The following DACH2 variants were observed in gnomAD, a reference collection of about 807,000 sequenced individuals.
DACH2 encodes dachshund family transcription factor 2.
Under a neutral mutation model 35.8 loss-of-function variants are expected in DACH2, and 17 were observed. That is an observed-to-expected ratio of 0.48 (90% CI 0.33 to 0.71). The LOEUF (loss-of-function observed/expected upper bound fraction) is 0.71. Ranked by LOEUF, DACH2 falls within the 30% of genes least tolerant of loss-of-function variation. The probability of loss-of-function intolerance (pLI) is 0.02; values close to 1 mark genes in which losing one functional copy is unlikely to be tolerated. For missense variants in DACH2, 469 were observed against 472.7 expected (o/e 0.99, Z 0.07); for synonymous variants, 195 against 177.3 (o/e 1.10, Z -0.79).
chrX:86,242,237 C>T (rs1046587747), intron 1 of DACH2, among the ~76,000 whole-genome samples: 2 of 112,255 alleles, frequency 1.8e-5, no homozygotes, highest in African/African-American at 6.5e-5. Flanking sequence ...GGTGCTGTAC[C>T]CTGCAAAGCT....
chrX:86,469,982 G>C (rs1322748261), intron 2 of DACH2, among the ~76,000 whole-genome samples: 10 of 109,802 alleles, frequency 9.1e-5, no homozygotes, highest in Non-Finnish European at 1.7e-4. Flanking sequence ...TTAGCAATCT[G>C]TTTCTTACCT....
intron 2 of DACH2, among the ~76,000 whole-genome samples, chrX:86,460,526 C>A (rs1460020293): frequency 4.5e-5 from 5 of 110,365 alleles, no homozygotes; most frequent in Non-Finnish European, 7.6e-5. Context: ...CAATTATATG[C>A]AAGATCCTTT....
intron 3 of DACH2, among the ~76,000 whole-genome samples, chrX:86,632,494 GCACACACACACA>G (rs3041616): frequency 7.3e-5 from 7 of 95,954 alleles, no homozygotes; most frequent in Non-Finnish European, 1.5e-4. Context: ...TCATACACAT[GCACACACACACA>G]CACACACACA....
chrX:86,355,086 C>G (rs752510407), intron 1 of DACH2, among the ~76,000 whole-genome samples: 11 of 111,319 alleles, frequency 9.9e-5, no homozygotes, highest in Middle Eastern at 4.7e-3. Context: ...GCCTCAGTAT[C>G]TATTGTTCCC....
In DACH2 at chrX:86,708,291, A is replaced by T. The variant is rs1208707784; in HGVS notation, c.932-6257A>T. On this transcript the variant is annotated intron_variant, in intron 5 of 11. Transcript: ENST00000373125. ...CGTTATACTGGAGGCCTTAGTTGGTAAAAAATGACAAGAAAAATGAAATAA... is the reference window on the plus strand; with the variant it reads ...CGTTATACTGGAGGCCTTAGTTGGTTAAAAATGACAAGAAAAATGAAATAA... 2.7e-5 allele frequency among the ~76,000 whole-genome samples: 3 copies of T among 110,652 alleles called. No individual in the cohort carries two copies. In the South Asian group the frequency reaches 1.1e-3, roughly 42 times the overall value.
chrX:86,619,107 A>T (rs1476059147), intron 3 of DACH2, among the ~76,000 whole-genome samples: 2 of 112,296 alleles, frequency 1.8e-5, no homozygotes. Flanking sequence ...GTTTGCACAG[A>T]AATTTAATCA....
intron 6 of DACH2, among the ~76,000 whole-genome samples, chrX:86,731,723 A>G (rs1226237439): frequency 8.9e-6 from 1 of 111,950 alleles, no homozygotes; most frequent in Admixed American, 9.5e-5. Flanking sequence ...GGATGCCTGC[A>G]AATGTCCTCA....
chrX:86,485,290 G>T (rs756390675), intron 2 of DACH2, among the ~76,000 whole-genome samples: 58 of 111,553 alleles, frequency 5.2e-4, no homozygotes, highest in African/African-American at 1.8e-3. Flanking sequence ...AGAGGACACT[G>T]CAAGATCTCA....
At chrX:86,762,679 T>C (rs772488159) in intron 7 of DACH2, among the ~76,000 whole-genome samples, 185 of 112,012 alleles carry the variant, frequency 1.7e-3, no homozygotes, top group African/African-American at 5.5e-3. Flanking sequence ...TTTTCATTTG[T>C]AATTTTTATG....
intron 7 of DACH2, among the ~76,000 whole-genome samples, chrX:86,795,672 C>T (rs1249215446): frequency 1.8e-5 from 2 of 112,287 alleles, no homozygotes; most frequent in Non-Finnish European, 3.8e-5. Flanking sequence ...AATGAAGCCG[C>T]GGACCCTCGC....
chrX:86,241,790 A>T (rs184490824), intron 1 of DACH2, among the ~76,000 whole-genome samples: 4 of 112,407 alleles, frequency 3.6e-5, no homozygotes, highest in African/African-American at 1.3e-4. Context: ...GCCTTGGAAC[A>T]TGATGCCCTG....
chrX:86,731,763 C>T (rs1482807386), intron 6 of DACH2, among the ~76,000 whole-genome samples: 1 of 111,869 alleles, frequency 8.9e-6, no homozygotes, highest in African/African-American at 3.2e-5. Context: ...AGGGAAAATA[C>T]ACCTGGCTAA....
chrX:86,404,101 G>A (rs1377511814), intron 2 of DACH2, among the ~76,000 whole-genome samples: 2 of 110,507 alleles, frequency 1.8e-5, no homozygotes, highest in Admixed American at 1.9e-4. Flanking sequence ...CAACACGTTG[G>A]GATTATGGGA....
chrX:86,294,289 A>C (rs2034387865), intron 1 of DACH2, among the ~76,000 whole-genome samples: 1 of 110,880 alleles, frequency 9.0e-6, no homozygotes, highest in Non-Finnish European at 1.9e-5. Flanking sequence ...TCCTTTAAGC[A>C]CTTCTCTGTG....
chrX:86,416,331 C>T (rs1198595648), intron 2 of DACH2, among the ~76,000 whole-genome samples: 1 of 111,800 alleles, frequency 8.9e-6, no homozygotes, highest in Non-Finnish European at 1.9e-5. Context: ...AGTCACTTAT[C>T]CTCTAGTTCT....
chrX:86,472,313 T>C (rs1422990822), intron 2 of DACH2, among the ~76,000 whole-genome samples: 2 of 111,403 alleles, frequency 1.8e-5, no homozygotes, highest in East Asian at 5.7e-4. Context: ...GCTTTGAACA[T>C]GGAAGAAGGA....
chrX:86,609,401 T>C (rs1372760952), intron 3 of DACH2, among the ~76,000 whole-genome samples: 3 of 112,396 alleles, frequency 2.7e-5, no homozygotes, highest in Non-Finnish European at 5.6e-5. Flanking sequence ...GTTTCTTCAA[T>C]ACAACTATTT....
chrX:86,588,750 A>C (rs1427020578), intron 3 of DACH2, among the ~76,000 whole-genome samples: 3 of 111,345 alleles, frequency 2.7e-5, no homozygotes, highest in Non-Finnish European at 5.7e-5. Context: ...TATCAGATCT[A>C]GGAGCCTTTT....
At chrX:86,161,443 T>C in intron 1 of DACH2, 1 of 480,360 alleles carries the variant, frequency 2.1e-6, no homozygotes, top group Non-Finnish European at 3.3e-6. Context: ...CACACCTTCC[T>C]GTGTTCAGAA....
Sources: allele counts gnomAD v4.1 joint callset (sites outside exome capture counted in the v4.1 genomes callset), GRCh38; gene constraint gnomAD v4.1.1; transcripts MANE v1.5; gene names NCBI Gene and HGNC (gene_info 2026-07-23, HGNC 2026-07-21).